Variants in OCRL observed in about 807,000 individuals in gnomAD.
OCRL encodes inositol polyphosphate 5-phosphatase OCRL.
In OCRL, 8 loss-of-function variants were observed where a neutral mutation model predicts 78.9. The observed-to-expected ratio is 0.10, with a 90% confidence interval of 0.06 to 0.18. The LOEUF (loss-of-function observed/expected upper bound fraction) is 0.18, where lower values mean the gene tolerates loss of function less well. Among genes scored for constraint, OCRL ranks in the 10% least tolerant of loss-of-function variants. The pLI is 1.00. For missense variants in OCRL, 454 were observed against 696.7 expected (o/e 0.65, Z 3.92); for synonymous variants, 240 against 235.4 (o/e 1.02, Z -0.18).
chrX:129,572,256 A>AT (rs370621393), intron 15 of OCRL, among the ~76,000 whole-genome samples: 2,948 of 106,962 alleles, frequency 0.028, 98 homozygotes, highest in African/African-American at 0.094. Context: ...CTGCAACTTG[A>AT]TTTTTTTTTT....
chrX:129,565,196 T>C (rs1235493588), intron 12 of OCRL, among the ~76,000 whole-genome samples: 5 of 112,117 alleles, frequency 4.5e-5, no homozygotes, highest in Non-Finnish European at 7.5e-5. Flanking sequence ...TCAGCACATC[T>C]AAGGGCCTGT....
At position 129,575,391 on chromosome X, in the gene OCRL, G is replaced by A. The variant is rs981220036; in HGVS notation, c.1713+141G>A. On this transcript the variant is annotated intron_variant, in intron 16 of 23. Coordinates refer to ENST00000371113, the MANE Select transcript of OCRL (RefSeq NM_000276.4). The stretch of plus-strand genomic sequence containing the variant: ...ACTGCCTCCATTCCAGTTGTAGCAC[G>A]GCTGTTTAGTAGATGTATGACCTCA... The A allele has an allele frequency of 6.7e-5, 30 of 449,825 alleles. No homozygotes were observed. In the African/African-American group the frequency reaches 6.8e-4, roughly 10 times the overall value. 37.1% of individuals were successfully genotyped at this position (449,825 alleles called of 1,213,427 possible).
intron 16 of OCRL, chrX:129,575,692 A>G: frequency 2.1e-6 from 1 of 466,252 alleles, no homozygotes; most frequent in Non-Finnish European, 3.7e-6. Flanking sequence ...AGAAGTAGCA[A>G]GAGCCACCTA....
intron 4 of OCRL, among the ~76,000 whole-genome samples, chrX:129,551,175 G>GT (rs1935955877): frequency 9.0e-6 from 1 of 111,273 alleles, no homozygotes; most frequent in Non-Finnish European, 1.9e-5. Context: ...AGGCACTTTT[G>GT]TAAGTGCAGA....
At chrX:129,546,917 G>C (rs997626396) in intron 3 of OCRL, among the ~76,000 whole-genome samples, 19 of 111,071 alleles carry the variant, frequency 1.7e-4, no homozygotes, top group African/African-American at 6.2e-4. Context: ...CCTGACCCCT[G>C]CATCTATTTT....
chrX:129,587,215 C>T (rs781190885), intron 20 of OCRL, 97 bp downstream of exon 20: 2 of 588,255 alleles, frequency 3.4e-6, no homozygotes, highest in East Asian at 3.3e-5. Context: ...TTAACTTTCC[C>T]AAGCTACCTG....
chrX:129,579,193 G>A (rs978200340), intron 18 of OCRL, among the ~76,000 whole-genome samples: 1 of 111,399 alleles, frequency 9.0e-6, no homozygotes, highest in Non-Finnish European at 1.9e-5. Flanking sequence ...TTTCTGGATT[G>A]GGAATACTCA....
At chrX:129,541,165 A>G (rs1393465078) in intron 2 of OCRL, among the ~76,000 whole-genome samples, 2 of 112,588 alleles carry the variant, frequency 1.8e-5, no homozygotes, top group African/African-American at 6.5e-5. Context: ...TAATAAAACC[A>G]TTAACTGCCT....
At chrX:129,562,111 C>T (rs1936153730) in intron 10 of OCRL, among the ~76,000 whole-genome samples, 1 of 111,838 alleles carries the variant, frequency 8.9e-6, no homozygotes, top group Non-Finnish European at 1.9e-5. Context: ...CTGCTTACTC[C>T]TGGTAGGCTA....
At chrX:129,551,408 A>C (rs939419613) in intron 4 of OCRL, among the ~76,000 whole-genome samples, 1 of 112,236 alleles carries the variant, frequency 8.9e-6, no homozygotes, top group Non-Finnish European at 1.9e-5. Flanking sequence ...CAGACTTTAA[A>C]CTGATAAGAT....
intron 3 of OCRL, 67 bp downstream of exon 3, chrX:129,545,104 A>AATG: frequency 1.7e-6 from 1 of 593,414 alleles, no homozygotes; most frequent in Non-Finnish European, 2.9e-6. Context: ...ATTATGTAAT[A>AATG]CCATACATAT....
rs1000441003 is a variant in OCRL, at chrX:129,562,592, C to A, written c.1057-7C>A. On this transcript the variant is annotated splice_polypyrimidine_tract_variant and splice_region_variant and intron_variant, in intron 11 of 23. Coordinates refer to ENST00000371113, the MANE Select transcript of OCRL (RefSeq NM_000276.4). ...TGTACTAATTGAATAATTACTCTTG[C>A]TAACAGGGAAACAAAGGTGGGGTAG... The A allele has an allele frequency of 6.6e-6, 8 of 1,208,181 alleles. No homozygotes were observed. The highest frequency in any genetic ancestry group is 1.7e-5 in the African/African-American group (1 of 57,191).
Position 129,581,831 on chromosome X carries a change from TTCTCTC to T in OCRL, c.2116-2483_2116-2478del, listed in dbSNP as rs753415077. Among the ~76,000 whole-genome samples, 23 of 65,609 alleles carry T rather than the reference TTCTCTC, an allele frequency of 3.5e-4. 1 individual carries two copies. The highest frequency in any genetic ancestry group is 1.4e-3 in the East Asian group (2 of 1,400). 57.0% of individuals were successfully genotyped at this position (65,609 alleles called of 115,157 possible). ...TAGCCTTTGAATGATCCCTTTGTCT[TTCTCTC>T]TCTCTCTCTCTCTCTCTCTCTCTCT... is the stretch of plus-strand genomic sequence containing the variant. On this transcript the variant is annotated intron_variant, in intron 18 of 23. Coordinates refer to ENST00000371113, the MANE Select transcript of OCRL (RefSeq NM_000276.4).
intron 15 of OCRL, 90 bp from the exon 16 acceptor site, chrX:129,575,050 T>C (rs1654787527): frequency 6.4e-6 from 4 of 629,085 alleles, no homozygotes; most frequent in Non-Finnish European, 1.1e-5. Context: ...AAATAGTTAC[T>C]GTAATGACCA....
At position 129,544,978 on chromosome X, in the gene OCRL, A is replaced by C; in HGVS notation, c.140A>C (p.Glu47Ala). 2 of 1,167,268 alleles carry C rather than the reference A, an allele frequency of 1.7e-6. No individual in the cohort carries two copies. The highest frequency in any genetic ancestry group is 2.3e-6 in the Non-Finnish European group (2 of 855,066). Residue 47 changes from glutamate to alanine, a missense_variant, in exon 3 of 24, where the codon GAG becomes GCG. By Grantham distance (107) the Glu-to-Ala change is moderately radical. Around this residue, in one of 2 missense-constraint regions of OCRL, gnomAD observed 177 missense variants for 179.6 expected, o/e 0.99. Transcript: ENST00000371113. ...CCTAGGTTAATAATCCAGTTGCATG[A>C]GAAGGAACAGCATGTTCAAGATATC... is the stretch of plus-strand genomic sequence containing the variant. The part of the protein sequence containing the change: ...GQYELIIQLH[E>A]KEQHVQDIIP...
intron 3 of OCRL, among the ~76,000 whole-genome samples, chrX:129,546,966 C>T (rs971647771): frequency 2.7e-5 from 3 of 111,495 alleles, no homozygotes; most frequent in African/African-American, 9.8e-5. Flanking sequence ...CACCTGTAAT[C>T]CCAACATTTT....
rs1404321018 is a variant in OCRL at position 129,558,669 on chromosome X, A to G, written c.476A>G (p.Asn159Ser). 1 of 1,210,206 alleles carries G rather than the reference A, an allele frequency of 8.3e-7. No individual in the cohort carries two copies. The highest frequency in any genetic ancestry group is 1.7e-5 in the African/African-American group (1 of 57,295). ...LGFEDNFSSM[N>S]LDKKINSQNQ... is the part of the protein sequence containing the mutation. The stretch of plus-strand genomic sequence containing the variant: ...TTTGAAGACAATTTTTCTTCTATGA[A>G]TTTGGACAAGAAAATAAATTCACAA... The change falls in exon 7 of 24, where the codon AAT (asparagine) becomes AGT (serine). Residue 159 changes from asparagine to serine, a missense_variant. By Grantham distance (46) the Asn-to-Ser change is conservative (BLOSUM62 1). This residue lies in a region of OCRL where 177 missense variants were observed against 179.6 expected (regional missense o/e 0.99). Coordinates refer to ENST00000371113, the MANE Select transcript of OCRL (RefSeq NM_000276.4).
chrX:129,581,867 GTC>G (rs1936447382), intron 18 of OCRL, among the ~76,000 whole-genome samples: 1 of 75,015 alleles, frequency 1.3e-5, no homozygotes, highest in Admixed American at 1.5e-4. Flanking sequence ...CTCTCTCTCT[GTC>G]TCTGTCTCTG....
At chrX:129,588,704 A>G (rs1936547827) in intron 21 of OCRL, among the ~76,000 whole-genome samples, 182 bp from the exon 22 acceptor site, 1 of 112,266 alleles carries the variant, frequency 8.9e-6, no homozygotes, top group Non-Finnish European at 1.9e-5. Context: ...TCTTTGACCA[A>G]TTCTGTAACA....
Sources: gnomAD v4.1 joint callset for allele counts (sites outside exome capture counted in the v4.1 genomes callset) on GRCh38, gnomAD v4.1.1 for gene constraint, gnomAD v4.1.1 regional missense constraint, MANE v1.5 for transcripts, NCBI Gene and HGNC (gene_info 2026-07-23, HGNC 2026-07-21) for gene names.